E2F7: variants seen among roughly 807,000 people sequenced by gnomAD.
E2F7 encodes the protein E2F transcription factor 7, also known as transcription factor E2F7.
A neutral mutation model predicts 81.1 loss-of-function variants in E2F7; 35 were observed. That is an observed-to-expected ratio of 0.43 (90% CI 0.33 to 0.57). E2F7 has a LOEUF of 0.57. Among genes scored for constraint, E2F7 ranks in the 20% least tolerant of loss-of-function variants. E2F7 has a pLI of 0.04. For missense variants in E2F7, 961 were observed against 1,093.7 expected (o/e 0.88, Z 1.71); for synonymous variants, 416 against 416.2 (o/e 1.00, Z 0.01).
intron 7 of E2F7, 100 bp downstream of exon 7, chr12:77,042,964 TG>T: frequency 1.3e-6 from 2 of 1,553,424 alleles, no homozygotes; most frequent in Non-Finnish European, 8.8e-7. Flanking sequence ...GTATGTGACA[TG>T]GGAAAAAGAT....
At chr12:77,037,651 A>C (rs1317586187) in intron 7 of E2F7, among the ~76,000 whole-genome samples, 4 of 152,228 alleles carry the variant, frequency 2.6e-5, no homozygotes, top group African/African-American at 9.6e-5. Context: ...AACATAACAC[A>C]ACAAAGAATT....
chr12:77,054,146 C>T (rs545290104), intron 3 of E2F7, among the ~76,000 whole-genome samples: 7 of 151,490 alleles, frequency 4.6e-5, no homozygotes, highest in Non-Finnish European at 8.8e-5. Flanking sequence ...CCTGGGTGAC[C>T]AAATTATCTG....
intron 3 of E2F7, among the ~76,000 whole-genome samples, chr12:77,053,660 C>T (rs182186043): frequency 6.6e-6 from 1 of 152,312 alleles, no homozygotes; most frequent in East Asian, 1.9e-4. Context: ...TAGCCCTAAA[C>T]TGCAAACAAC....
At chr12:77,040,555 T>C (rs1406281769) in intron 7 of E2F7, among the ~76,000 whole-genome samples, 2 of 152,198 alleles carry the variant, frequency 1.3e-5, no homozygotes, top group African/African-American at 2.4e-5. Context: ...TTTTAGTAAG[T>C]AGACAGATTT....
chr12:77,034,150 C>A, intron 7 of E2F7, 108 bp from the exon 8 acceptor site: 1 of 890,408 alleles, frequency 1.1e-6, no homozygotes, highest in Non-Finnish European at 1.6e-6. Context: ...GAGCTATCAC[C>A]CTATAAATCA....
At chr12:77,033,206 T>TAATGAA in intron 8 of E2F7, 84 bp from the exon 9 acceptor site, 1 of 1,257,074 alleles carries the variant, frequency 8.0e-7, no homozygotes, top group Non-Finnish European at 1.1e-6. Context: ...TAGCTGAGAA[T>TAATGAA]TCATTATTCT....
intron 9 of E2F7, 81 bp from the exon 10 acceptor site, chr12:77,030,413 A>G (rs1592554983): frequency 6.8e-7 from 1 of 1,480,796 alleles, no homozygotes; most frequent in Non-Finnish European, 9.0e-7. Context: ...CAGCCATGCC[A>G]AATCAAGAAT....
At chr12:77,031,461 C>T (rs1401249360) in intron 9 of E2F7, among the ~76,000 whole-genome samples, 7 of 151,914 alleles carry the variant, frequency 4.6e-5, no homozygotes, top group African/African-American at 1.4e-4. Context: ...GCTAACATGG[C>T]GAAACCCCGT....
At chr12:77,049,791 A>G (rs976849118) in intron 4 of E2F7, among the ~76,000 whole-genome samples, 1 of 152,134 alleles carries the variant, frequency 6.6e-6, no homozygotes, top group Admixed American at 6.5e-5. Context: ...ATTATAATCT[A>G]TCATTTATTT....
chr12:77,036,996 G>T (rs1003356646), intron 7 of E2F7, among the ~76,000 whole-genome samples: 1 of 151,974 alleles, frequency 6.6e-6, no homozygotes. Context: ...TGATCCACCC[G>T]CCTCGGCCTC....
chr12:77,055,109 G>C (rs1001343298), intron 3 of E2F7, among the ~76,000 whole-genome samples: 7 of 152,154 alleles, frequency 4.6e-5, no homozygotes, highest in African/African-American at 1.7e-4. Context: ...TTACATGAAA[G>C]AATCTCTTAC....
In E2F7 at chr12:77,046,276, A is replaced by C. The variant is rs201157406; in HGVS notation, c.591T>G (p.His197Gln). Reference sequence around the variant, plus strand: ...GATTCTTAGCCACCCGGCTGACCAGATGCAGCGACTCCAGCACATTTACAA... The same window carrying C: ...GATTCTTAGCCACCCGGCTGACCAGCTGCAGCGACTCCAGCACATTTACAA... ...YDIVNVLESLHLVSRVAKNQY... is the reference protein window; with the variant it reads ...YDIVNVLESLQLVSRVAKNQY... The change falls in exon 5 of 13, where the codon CAT becomes CAG. Residue 197 changes from histidine to glutamine, a missense_variant. Transcript: ENST00000322886. 7 of 1,614,060 alleles carry C rather than the reference A, an allele frequency of 4.3e-6. No individual in the cohort carries two copies. Among genetic ancestry groups the C allele is most frequent in the Non-Finnish European group, 5.9e-6 (7 of 1,180,050 alleles).
Position 77,029,933 on chromosome 12 carries a change from C to T in E2F7, c.1782G>A (p.Lys594=). The T allele has an allele frequency of 3.7e-6, 6 of 1,614,230 alleles. No individual in the cohort carries two copies. Among genetic ancestry groups the T allele is most frequent in the Non-Finnish European group, 5.1e-6 (6 of 1,180,046 alleles). ...VELSSAPSAQ[K]RLCEERKPQE... is the part of the protein sequence containing the mutation. ...GAGGTTTCCTCTCCTCACAGAGGCG[C>T]TTCTGAGCTGAGGGTGCAGATGACA... The change falls in exon 10 of 13, where the codon AAG becomes AAA. Residue 594 remains lysine, a synonymous_variant. Coordinates refer to ENST00000322886, the MANE Select transcript of E2F7 (RefSeq NM_203394.3).
At chr12:77,043,500 T>G (rs1429980328) in intron 6 of E2F7, among the ~76,000 whole-genome samples, 1 of 152,016 alleles carries the variant, frequency 6.6e-6, no homozygotes, top group Admixed American at 6.6e-5. Context: ...GGGAATGGGC[T>G]GTAATTAAAA....
chr12:77,030,216 G>A lies in E2F7; in HGVS notation c.1499C>T (p.Pro500Leu). ...PEYCVNPLAH[P>L]VFSVAQTDLQ... ...GTCCGTCTGAGCAACAGAAAATACT[G>A]GGTGGGCTAAAGGATTAACACAATA... The change falls in exon 10 of 13, where the codon CCA becomes CTA. Residue 500 changes from proline to leucine, a missense_variant. Physicochemically the swap from Pro to Leu is moderately conservative, Grantham distance 98 (BLOSUM62 -3). This residue lies in a region of E2F7 where 587 missense variants were observed against 620.3 expected (regional missense o/e 0.95). Transcript: ENST00000322886. 6.2e-7 allele frequency: 1 copy of A among 1,614,124 alleles called. No homozygotes were observed. The highest frequency in any genetic ancestry group is 8.5e-7 in the Non-Finnish European group (1 of 1,179,996).
chr12:77,044,375 T>C (rs1954921737), intron 6 of E2F7: 2 of 561,208 alleles, frequency 3.6e-6, no homozygotes, highest in South Asian at 3.5e-5. Flanking sequence ...ATTCACACCC[T>C]CCCTGACCGG....
At position 77,023,044 on chromosome 12, in the gene E2F7, T is replaced by C. The variant is rs1954726757; in HGVS notation, c.*971A>G. ...CTCTTCAGAATTCAACGAAAAGGTC[T>C]CATCCAGGTTCCAATTTTCCATATA... On this transcript the variant is annotated 3_prime_UTR_variant, in exon 13 of 13. Coordinates refer to ENST00000322886, the MANE Select transcript of E2F7 (RefSeq NM_203394.3). The C allele has an allele frequency of 6.6e-6, 1 of 152,226 alleles. No individual in the cohort carries two copies. Among genetic ancestry groups the C allele is most frequent in the Non-Finnish European group, 1.5e-5 (1 of 68,024 alleles). 9.4% of individuals were successfully genotyped at this position (152,226 alleles called of 1,614,324 possible). A position where few individuals can be genotyped will look rare whatever the true frequency, so the allele number is the denominator to read the frequency against.
chr12:77,034,075 T>C (rs891370461), intron 7 of E2F7, 33 bp from the exon 8 acceptor site: 6 of 1,579,680 alleles, frequency 3.8e-6, no homozygotes, highest in Admixed American at 3.6e-5. Flanking sequence ...AGTGTTGTTA[T>C]ACAGCTGTAA....
chr12:77,043,223 C>T (rs766315763), intron 6 of E2F7, 24 bp from the exon 7 acceptor site: 25 of 1,613,550 alleles, frequency 1.5e-5, no homozygotes, highest in East Asian at 2.2e-5. Context: ...AACACGATTA[C>T]GGTCATGCTG....
Sources: gnomAD v4.1 joint callset for allele counts (sites outside exome capture counted in the v4.1 genomes callset) on GRCh38, gnomAD v4.1.1 for gene constraint, gnomAD v4.1.1 regional missense constraint, MANE v1.5 for transcripts, NCBI Gene and HGNC (gene_info 2026-07-23, HGNC 2026-07-21) for gene names.